The following HTR1F variants were observed in gnomAD, a reference collection of about 807,000 sequenced individuals.
The protein encoded by HTR1F is 5-hydroxytryptamine (serotonin) receptor 1F, G protein-coupled.
Under a neutral mutation model 24.0 loss-of-function variants are expected in HTR1F, and 17 were observed. The ratio of observed to expected loss-of-function variants is 0.71; its 90% CI spans 0.48 to 1.06. HTR1F has a LOEUF of 1.06. Ranked by LOEUF, HTR1F falls within the 50% of genes least tolerant of loss-of-function variation. The probability of loss-of-function intolerance (pLI) is 0.00; values close to 1 mark genes in which losing one functional copy is unlikely to be tolerated. For synonymous variants in HTR1F, 186 were observed against 156.8 expected (o/e 1.19, Z -1.39); for missense variants, 391 against 427.8 (o/e 0.91, Z 0.76).
At chr3:87,890,862 GA>G (rs1475720033) in intron 2 of HTR1F, among the ~76,000 whole-genome samples, 1 of 139,146 alleles carries the variant, frequency 7.2e-6, no homozygotes, top group Non-Finnish European at 1.5e-5. Context: ...TTTTTTTTGA[GA>G]CAGAGTCTTG....
At chr3:87,923,193 G>C (rs1487627476) in intron 2 of HTR1F, among the ~76,000 whole-genome samples, 1 of 151,802 alleles carries the variant, frequency 6.6e-6, no homozygotes, top group Non-Finnish European at 1.5e-5. Flanking sequence ...AAAGTCAGGT[G>C]GTATGATGCC....
intron 2 of HTR1F, among the ~76,000 whole-genome samples, chr3:87,942,489 G>A (rs187235867): frequency 5.9e-4 from 89 of 151,054 alleles, no homozygotes; most frequent in African/African-American, 1.9e-3. Flanking sequence ...TCCTGCTGCT[G>A]GATCATCTGG....
intron 2 of HTR1F, among the ~76,000 whole-genome samples, chr3:87,936,372 A>G (rs1387466351): frequency 1.3e-5 from 2 of 152,212 alleles, no homozygotes; most frequent in South Asian, 2.1e-4. Context: ...TGTTCAACTG[A>G]AAGATTAATA....
rs530109013 is a variant in HTR1F at position 87,861,199 on chromosome 3, T to C, written c.-43+39075T>C. ...ATTATTATCAAATAGGAAACAATTA[T>C]ATCTAAGAAAGTATGCAATTTTGGA... On this transcript the variant is annotated intron_variant, in intron 2 of 2. Coordinates refer to ENST00000319595, the MANE Select transcript of HTR1F (RefSeq NM_001322209.2). Among the ~76,000 whole-genome samples the C allele has an allele frequency of 1.5e-4, 23 of 152,200 alleles. No homozygotes were observed. In the South Asian group the frequency reaches 4.4e-3, roughly 29 times the overall value.
chr3:87,964,960 T>A (rs973029132), intron 2 of HTR1F, among the ~76,000 whole-genome samples: 10 of 152,060 alleles, frequency 6.6e-5, no homozygotes, highest in African/African-American at 2.4e-4. Flanking sequence ...TCATAAAGGG[T>A]TCCCCTACAC....
At chr3:87,985,384 C>T (rs1300287849) in intron 2 of HTR1F, among the ~76,000 whole-genome samples, 1 of 151,474 alleles carries the variant, frequency 6.6e-6, no homozygotes, top group East Asian at 1.9e-4. Flanking sequence ...AGCCTCATGA[C>T]TGAAATACAA....
intron 2 of HTR1F, among the ~76,000 whole-genome samples, chr3:87,892,797 T>C (rs1359082965): frequency 6.6e-6 from 1 of 152,110 alleles, no homozygotes; most frequent in Non-Finnish European, 1.5e-5. Flanking sequence ...GGTCATTTAG[T>C]TTGCATCTGG....
chr3:87,820,091 TA>T (rs1382034862), intron 1 of HTR1F, among the ~76,000 whole-genome samples: 1 of 151,790 alleles, frequency 6.6e-6, no homozygotes, highest in Non-Finnish European at 1.5e-5. Context: ...TGAACAAGTC[TA>T]AATCCTAAAA....
At chr3:87,925,110 G>T (rs1283976630) in intron 2 of HTR1F, among the ~76,000 whole-genome samples, 1 of 151,560 alleles carries the variant, frequency 6.6e-6, no homozygotes, top group African/African-American at 2.4e-5. Context: ...AACATCAGTG[G>T]TAACTGTAAA....
At chr3:87,806,456 T>C (rs1205162195) in intron 1 of HTR1F, among the ~76,000 whole-genome samples, 1 of 152,050 alleles carries the variant, frequency 6.6e-6, no homozygotes, top group Non-Finnish European at 1.5e-5. Context: ...AATAACTCAC[T>C]GTGGTTATGA....
intron 2 of HTR1F, among the ~76,000 whole-genome samples, chr3:87,866,688 C>T (rs770663241): frequency 1.1e-4 from 17 of 150,132 alleles, no homozygotes; most frequent in Non-Finnish European, 2.4e-4. Flanking sequence ...AAGTGCATTT[C>T]CTGCAAAATT....
At chr3:87,881,943 T>C (rs1464727516) in intron 2 of HTR1F, among the ~76,000 whole-genome samples, 1 of 151,556 alleles carries the variant, frequency 6.6e-6, no homozygotes, top group Non-Finnish European at 1.5e-5. Flanking sequence ...TGGGAGAAAA[T>C]TTTTGCAACC....
intron 1 of HTR1F, among the ~76,000 whole-genome samples, chr3:87,801,576 G>T (rs1703990235): frequency 6.6e-6 from 1 of 152,170 alleles, no homozygotes; most frequent in Non-Finnish European, 1.5e-5. Context: ...GCATCTTGAA[G>T]CAAGGGCAGG....
rs1312321862 is a variant in HTR1F at position 87,987,597 on chromosome 3, T to C, written c.-42-3111T>C. Among the ~76,000 whole-genome samples, 19 of 145,820 alleles carry C rather than the reference T, an allele frequency of 1.3e-4. No homozygotes were observed. The East Asian group carries it at 3.5e-3, about 27-fold the overall frequency. On this transcript the variant is annotated intron_variant, in intron 2 of 2. Transcript: ENST00000319595. ...ACAAAGTCCAAGAGCTGGATGAAGATAGCAATAAAAATACGGAAATATATA... is the reference window on the plus strand; with the variant it reads ...ACAAAGTCCAAGAGCTGGATGAAGACAGCAATAAAAATACGGAAATATATA...
chr3:87,983,354 A>G (rs751327722), intron 2 of HTR1F, among the ~76,000 whole-genome samples: 10 of 152,216 alleles, frequency 6.6e-5, no homozygotes, highest in Non-Finnish European at 1.0e-4. Flanking sequence ...AGCCTTGCAG[A>G]GTTTCCCATC....
At chr3:87,794,982 C>CTTTTT (rs57368229) in intron 1 of HTR1F, among the ~76,000 whole-genome samples, 1 of 90,414 alleles carries the variant, frequency 1.1e-5, no homozygotes, top group Non-Finnish European at 2.2e-5. Flanking sequence ...TTATGACTGA[C>CTTTTT]TTTTTTTTTT....
chr3:87,988,605 ATGGTGTATCGCTC>A (rs1705731549), intron 2 of HTR1F, among the ~76,000 whole-genome samples: 3 of 152,148 alleles, frequency 2.0e-5, no homozygotes, highest in Admixed American at 2.0e-4. Context: ...GTTGTTTGAG[ATGGTGTATCGCTC>A]TGTTGCCCAG....
chr3:87,847,356 C>T (rs61057378), intron 2 of HTR1F, among the ~76,000 whole-genome samples: 2,529 of 151,742 alleles, frequency 0.017, 114 homozygotes, highest in African/African-American at 0.058. Context: ...AAGACTTACA[C>T]CTCCAGGAAT....
intron 1 of HTR1F, among the ~76,000 whole-genome samples, chr3:87,795,405 C>G (rs1320160959): frequency 6.6e-6 from 1 of 152,184 alleles, no homozygotes; most frequent in Non-Finnish European, 1.5e-5. Context: ...TTGAAGGGCA[C>G]TCTCTAGTAC....
Sources: allele counts gnomAD v4.1 joint callset (sites outside exome capture counted in the v4.1 genomes callset), GRCh38; gene constraint gnomAD v4.1.1; transcripts MANE v1.5; gene names NCBI Gene and HGNC (gene_info 2026-07-23, HGNC 2026-07-21).